LRP1B: variants seen among roughly 807,000 people sequenced by gnomAD.
The protein encoded by LRP1B is LDL receptor related protein 1B.
Under a neutral mutation model 556.6 loss-of-function variants are expected in LRP1B, and 217 were observed. The observed-to-expected ratio is 0.39, with a 90% CI of 0.35 to 0.44. The LOEUF is 0.44. Ranked by LOEUF, LRP1B falls within the 20% of genes least tolerant of loss-of-function variation. LRP1B has a pLI of 1.00. For synonymous variants in LRP1B, 2,047 were observed against 1,865.8 expected (o/e 1.10, Z -2.50); for missense variants, 5,053 against 5,620.8 (o/e 0.90, Z 3.23).
At chr2:141,463,480 T>A (rs1183155316) in intron 3 of LRP1B, among the ~76,000 whole-genome samples, 4 of 146,766 alleles carry the variant, frequency 2.7e-5, no homozygotes, top group South Asian at 4.2e-4. Flanking sequence ...AGCAAAAGCC[T>A]AGATTTCAAA....
At chr2:141,996,125 G>A (rs534435051) in intron 1 of LRP1B, among the ~76,000 whole-genome samples, 3 of 151,636 alleles carry the variant, frequency 2.0e-5, no homozygotes, top group African/African-American at 7.3e-5. Flanking sequence ...GGTGGCGGGC[G>A]CCTGCAGTCC....
intron 1 of LRP1B, among the ~76,000 whole-genome samples, chr2:141,816,076 T>G (rs1051556300): frequency 2.6e-5 from 4 of 152,222 alleles, no homozygotes; most frequent in African/African-American, 9.7e-5. Context: ...TTCATTTTAT[T>G]TTGTTTTAAT....
intron 1 of LRP1B, among the ~76,000 whole-genome samples, chr2:142,030,987 C>T (rs1468068758): frequency 6.6e-6 from 1 of 151,864 alleles, no homozygotes; most frequent in Non-Finnish European, 1.5e-5. Flanking sequence ...CTGTCAAAGA[C>T]ATTTTTTAAG....
Position 140,232,499 on chromosome 2 carries a change from T to G in LRP1B, c.*687A>C, listed in dbSNP as rs1225665308. On this transcript the variant is annotated 3_prime_UTR_variant, in exon 91 of 91. Transcript: ENST00000389484. ...CTATGTTCTACCACCTAAATATAAC[T>G]ATTGCTTACAAGGTGTATACATTTA... 5 of 151,802 alleles carry G rather than the reference T, an allele frequency of 3.3e-5. No homozygotes were observed. Among genetic ancestry groups the G allele is most frequent in the African/African-American group, 1.2e-4 (5 of 41,342 alleles). 9.4% of individuals were successfully genotyped at this position (151,802 alleles called of 1,614,324 possible). A position where few individuals can be genotyped will look rare whatever the true frequency, so the allele number is the denominator to read the frequency against.
chr2:142,061,460 T>C (rs998049540), intron 1 of LRP1B, among the ~76,000 whole-genome samples: 3 of 152,034 alleles, frequency 2.0e-5, no homozygotes, highest in Non-Finnish European at 4.4e-5. Flanking sequence ...TAAAGTATTA[T>C]GCCTACATTA....
chr2:141,553,361 C>G (rs1472992857), intron 2 of LRP1B, among the ~76,000 whole-genome samples: 1 of 151,788 alleles, frequency 6.6e-6, no homozygotes, highest in Non-Finnish European at 1.5e-5. Flanking sequence ...GTATCAAAGG[C>G]AAGAGGTGTG....
intron 1 of LRP1B, among the ~76,000 whole-genome samples, chr2:141,914,663 T>C (rs1699985510): frequency 6.6e-6 from 1 of 152,144 alleles, no homozygotes; most frequent in Admixed American, 6.5e-5. Context: ...AGTTTCAGGA[T>C]GCAAAACTCA....
chr2:141,327,213 G>T (rs531431041), intron 3 of LRP1B, among the ~76,000 whole-genome samples: 2 of 152,124 alleles, frequency 1.3e-5, no homozygotes, highest in Non-Finnish European at 2.9e-5. Context: ...TTTGATTTTA[G>T]ATCTTTTAAA....
intron 53 of LRP1B, among the ~76,000 whole-genome samples, chr2:140,504,957 G>A (rs899761339): frequency 1.3e-5 from 2 of 152,104 alleles, no homozygotes; most frequent in Non-Finnish European, 1.5e-5. Context: ...TCATTCTCTT[G>A]TTTCAAAATG....
At chr2:140,627,715 C>A (rs529875664) in intron 41 of LRP1B, among the ~76,000 whole-genome samples, 18 of 152,196 alleles carry the variant, frequency 1.2e-4, no homozygotes, top group Non-Finnish European at 2.6e-4. Flanking sequence ...CCTTAATACA[C>A]CAATTTAATT....
chr2:140,529,503 A>C (rs998474886), intron 47 of LRP1B, among the ~76,000 whole-genome samples: 1 of 151,768 alleles, frequency 6.6e-6, no homozygotes, highest in African/African-American at 2.4e-5. Flanking sequence ...TCTTTTATTT[A>C]ATTATTTAAT....
intron 3 of LRP1B, among the ~76,000 whole-genome samples, chr2:141,352,234 C>A (rs960075752): frequency 7.2e-5 from 11 of 151,764 alleles, no homozygotes; most frequent in Non-Finnish European, 1.3e-4. Flanking sequence ...GTTTGCAATA[C>A]GTGTTTACTA....
chr2:140,728,417 T>C (rs1461252881), intron 35 of LRP1B, among the ~76,000 whole-genome samples: 1 of 152,112 alleles, frequency 6.6e-6, no homozygotes, highest in Non-Finnish European at 1.5e-5. Context: ...CAAGGAGAAA[T>C]TTTTTTATTT....
At chr2:140,310,114 C>CGG (rs2105026244) in intron 83 of LRP1B, among the ~76,000 whole-genome samples, 1 of 151,392 alleles carries the variant, frequency 6.6e-6, no homozygotes, top group Admixed American at 6.6e-5. Flanking sequence ...TGACTGGGCT[C>CGG]CTCCTCTGCT....
Position 141,968,067 on chromosome 2 carries a change from G to C in LRP1B, c.83-157666C>G, listed in dbSNP as rs1042849433. 2.0e-5 allele frequency among the ~76,000 whole-genome samples: 3 copies of C among 151,928 alleles called. No individual in the cohort carries two copies. The East Asian group carries it at 5.8e-4, about 30-fold the overall frequency. ...TATAATGCATCAGACATAAATCAGT[G>C]AGAAACTACTTAGGCTTGCACCCTG... On this transcript the variant is annotated intron_variant, in intron 1 of 90. Transcript: ENST00000389484.
At chr2:141,469,107 G>A (rs897084896) in intron 3 of LRP1B, among the ~76,000 whole-genome samples, 7 of 152,200 alleles carry the variant, frequency 4.6e-5, no homozygotes, top group South Asian at 2.1e-4. Flanking sequence ...AAATAAATCT[G>A]GGTGATTTAC....
Position 140,517,076 on chromosome 2 carries a change from C to T in LRP1B, c.8027-65G>A, listed in dbSNP as rs76733697. The T allele has an allele frequency of 5.1e-3, 5,659 of 1,120,146 alleles. 206 individuals carry two copies. In the East Asian group the frequency reaches 0.095, roughly 19 times the overall value. The allele number at this position is 1,120,146 out of a possible 1,614,324, so 69.4% of individuals were successfully genotyped here. On this transcript the variant is annotated intron_variant, in intron 49 of 90. Transcript: ENST00000389484. The stretch of plus-strand genomic sequence containing the variant: ...ACTTCTGAAATATAGGTAGATAAAT[C>T]ATTAATACTCCCTAAACTGAAAGAG...
rs74552345 is a variant in LRP1B at position 141,796,821 on chromosome 2, T to G, written c.205+13458A>C. Among the ~76,000 whole-genome samples, 89 of 151,032 alleles carry G rather than the reference T, an allele frequency of 5.9e-4. 2 individuals are homozygous for G. In the East Asian group the frequency reaches 0.012, roughly 21 times the overall value. On this transcript the variant is annotated intron_variant, in intron 2 of 90. Coordinates refer to ENST00000389484, the MANE Select transcript of LRP1B (RefSeq NM_018557.3). ...ACATAACAACCATCTTTGGGAGGAA[T>G]TTTTTTTTGTGTGTGAAATGAAACC...
chr2:141,011,749 G>A (rs1415449734), intron 14 of LRP1B, among the ~76,000 whole-genome samples: 32 of 152,026 alleles, frequency 2.1e-4, no homozygotes, highest in Non-Finnish European at 5.9e-5. Flanking sequence ...ATGGGGAAAA[G>A]CACTTTTAAA....
Sources: gnomAD v4.1 joint callset for allele counts (sites outside exome capture counted in the v4.1 genomes callset) on GRCh38, gnomAD v4.1.1 for gene constraint, MANE v1.5 for transcripts, NCBI Gene and HGNC (gene_info 2026-07-23, HGNC 2026-07-21) for gene names.